Variants in LEKR1 observed in about 807,000 individuals in gnomAD.
The protein encoded by LEKR1 is protein LEKR1.
In LEKR1, 59 loss-of-function variants were observed where a neutral mutation model predicts 72.4. That is an observed-to-expected ratio of 0.82 (90% CI 0.66 to 1.01). The LOEUF is 1.01. Ranked by LOEUF, LEKR1 falls within the 50% of genes least tolerant of loss-of-function variation. LEKR1 has a pLI of 0.00. For synonymous variants in LEKR1, 257 were observed against 263.2 expected, an observed-to-expected ratio of 0.98 and a Z score of 0.23; for missense variants, 728 against 759.2, an observed-to-expected ratio of 0.96 and a Z score of 0.48.
chr3:156,899,313 CAT>C (rs1380105606), intron 3 of LEKR1, among the ~76,000 whole-genome samples: 2 of 139,620 alleles, frequency 1.4e-5, no homozygotes, highest in African/African-American at 5.3e-5. Flanking sequence ...TACATACACA[CAT>C]GTATATATAC....
At chr3:156,924,525 C>G in intron 4 of LEKR1, 1 of 677,650 alleles carries the variant, frequency 1.5e-6, no homozygotes, top group South Asian at 1.6e-5. Flanking sequence ...TGTAAGAACT[C>G]TGTCTAAGCC....
intron 10 of LEKR1, among the ~76,000 whole-genome samples, chr3:157,018,630 A>T (rs1471640066): frequency 6.6e-6 from 1 of 152,174 alleles, no homozygotes; most frequent in Non-Finnish European, 1.5e-5. Context: ...ACATGAAAAA[A>T]AAACTAAACA....
chr3:156,979,174 A>C lies in LEKR1; in HGVS notation c.746-20A>C. On this transcript the variant is annotated intron_variant, in intron 6 of 12. Transcript: ENST00000356539. ...CACTTAAAATGTACTAATCAGATGAAATACATTGTGTCATTTCAGATTTAC... is the reference window on the plus strand; with the variant it reads ...CACTTAAAATGTACTAATCAGATGACATACATTGTGTCATTTCAGATTTAC... The C allele has an allele frequency of 8.9e-7, 1 of 1,125,444 alleles. No individual in the cohort carries two copies. The highest frequency in any genetic ancestry group is 1.3e-5 in the South Asian group (1 of 77,680). The allele number at this position is 1,125,444 out of a possible 1,614,324, so 69.7% of individuals were successfully genotyped here. A position where few individuals can be genotyped will look rare whatever the true frequency, so the allele number is the denominator to read the frequency against.
intron 2 of LEKR1, among the ~76,000 whole-genome samples, chr3:156,842,952 C>T (rs902221797): frequency 1.3e-5 from 2 of 152,156 alleles, no homozygotes; most frequent in East Asian, 3.8e-4. Context: ...ACATTTGGCT[C>T]CTTTTTCTAC....
intron 1 of LEKR1, among the ~76,000 whole-genome samples, chr3:156,828,370 T>C (rs907195779): frequency 6.6e-6 from 1 of 152,176 alleles, no homozygotes; most frequent in Admixed American, 6.5e-5. Flanking sequence ...CCTGCCCTGA[T>C]TGAATACAAG....
chr3:156,864,649 G>A lies in LEKR1; in HGVS notation c.263+11667G>A, dbSNP rs540101920. On this transcript the variant is annotated intron_variant, in intron 3 of 12. Transcript: ENST00000356539. ...TTCATTCATCAACATTTCAAAAAAA[G>A]TTCTAATTCAGATCATCATTTATTT... 2.6e-5 allele frequency among the ~76,000 whole-genome samples: 4 copies of A among 152,102 alleles called. No homozygotes were observed. The South Asian group carries it at 8.3e-4, about 32-fold the overall frequency.
intron 6 of LEKR1, among the ~76,000 whole-genome samples, chr3:156,951,818 T>A (rs1469287507): frequency 6.6e-6 from 1 of 151,626 alleles, no homozygotes; most frequent in African/African-American, 2.4e-5. Context: ...GATTCATTGA[T>A]CTTTTGAATG....
chr3:156,937,068 G>T (rs1725780685), intron 5 of LEKR1, among the ~76,000 whole-genome samples: 3 of 152,198 alleles, frequency 2.0e-5, no homozygotes, highest in African/African-American at 7.2e-5. Context: ...CTTAATCCCA[G>T]GAGTTTGAGG....
chr3:157,002,369 T>C (rs1223346871), intron 9 of LEKR1, among the ~76,000 whole-genome samples: 1 of 152,172 alleles, frequency 6.6e-6, no homozygotes, highest in Non-Finnish European at 1.5e-5. Flanking sequence ...GTTTTCTCTT[T>C]ATCAATGGCC....
chr3:156,920,825 G>T (rs1458102701), intron 4 of LEKR1, 131 bp downstream of exon 4: 2 of 541,752 alleles, frequency 3.7e-6, no homozygotes, highest in Non-Finnish European at 6.2e-6. Context: ...AACAGCATTA[G>T]GTTTTCTTTT....
At chr3:156,980,353 C>A (rs1730079253) in intron 7 of LEKR1, among the ~76,000 whole-genome samples, 3 of 152,062 alleles carry the variant, frequency 2.0e-5, no homozygotes, top group Admixed American at 6.6e-5. Flanking sequence ...TTATTTGTAA[C>A]AAAATAGTTT....
chr3:156,991,126 C>T (rs934927810), intron 7 of LEKR1, among the ~76,000 whole-genome samples: 2 of 152,070 alleles, frequency 1.3e-5, no homozygotes, highest in African/African-American at 2.4e-5. Context: ...AGAGATAAAA[C>T]TTAGGTAATA....
intron 10 of LEKR1, among the ~76,000 whole-genome samples, chr3:157,012,209 T>G (rs1255943661): frequency 6.6e-6 from 1 of 152,138 alleles, no homozygotes; most frequent in Admixed American, 6.6e-5. Context: ...ACTCCTTGAT[T>G]GATCTCTGGG....
intron 3 of LEKR1, among the ~76,000 whole-genome samples, chr3:156,865,099 G>A (rs916613410): frequency 4.5e-4 from 69 of 151,926 alleles, no homozygotes; most frequent in Admixed American, 1.3e-4. Context: ...GCTTTAATGT[G>A]TCCCCAAGTG....
chr3:156,962,224 C>A (rs1728193052), intron 6 of LEKR1, among the ~76,000 whole-genome samples: 1 of 152,234 alleles, frequency 6.6e-6, no homozygotes, highest in Non-Finnish European at 1.5e-5. Flanking sequence ...ACTGTAGTGA[C>A]TTGATCAGCC....
At chr3:156,918,620 T>A (rs1269137927) in intron 3 of LEKR1, among the ~76,000 whole-genome samples, 1 of 152,166 alleles carries the variant, frequency 6.6e-6, no homozygotes, top group African/African-American at 2.4e-5. Context: ...ATATATATAT[T>A]TATGCCATCA....
At chr3:156,919,495 C>G (rs1723988642) in intron 3 of LEKR1, among the ~76,000 whole-genome samples, 1 of 152,188 alleles carries the variant, frequency 6.6e-6, no homozygotes, top group Admixed American at 6.5e-5. Context: ...CCAAGACTTT[C>G]ATGTGTGAAG....
chr3:157,022,321 A>T (rs902963815), intron 10 of LEKR1, among the ~76,000 whole-genome samples: 1 of 152,212 alleles, frequency 6.6e-6, no homozygotes, highest in African/African-American at 2.4e-5. Flanking sequence ...TCTAATTTAT[A>T]GTTTGTAAAG....
intron 5 of LEKR1, among the ~76,000 whole-genome samples, chr3:156,939,660 A>G (rs564705724): frequency 4.8e-4 from 73 of 152,320 alleles, no homozygotes; most frequent in African/African-American, 1.6e-3. Flanking sequence ...AGGTATGAGT[A>G]AAATATTTCC....
Sources: gnomAD v4.1 joint callset for allele counts (sites outside exome capture counted in the v4.1 genomes callset) on GRCh38, gnomAD v4.1.1 for gene constraint, MANE v1.5 for transcripts, NCBI Gene and HGNC (gene_info 2026-07-23, HGNC 2026-07-21) for gene names.